Variants in ESM1 observed in about 807,000 individuals in gnomAD.
ESM1 encodes endothelial cell-specific molecule 1.
Under a neutral mutation model 14.9 loss-of-function variants are expected in ESM1, and 7 were observed. The observed-to-expected ratio is 0.47, with a 90% CI of 0.27 to 0.88. The LOEUF (loss-of-function observed/expected upper bound fraction) is 0.88. Ranked by LOEUF, ESM1 falls within the 40% of genes least tolerant of loss-of-function variation. ESM1 has a pLI of 0.14. For synonymous variants in ESM1, 89 were observed against 89.4 expected (o/e 1.00, Z 0.02); for missense variants, 192 against 237.9 (o/e 0.81, Z 1.27).
At chr5:54,980,259 G>A (rs1744025540) in intron 2 of ESM1, among the ~76,000 whole-genome samples, 1 of 152,204 alleles carries the variant, frequency 6.6e-6, no homozygotes, top group Non-Finnish European at 1.5e-5. Flanking sequence ...GTAGCCAGCA[G>A]GTGGAAAGTT....
In ESM1 at chr5:54,985,586, T is replaced by C; in HGVS notation, c.-69A>G. ...GCTGGTGGGAAGCAGCCGTCCAAAC[T>C]GGTAGCTGAGCCTCTGCCTACACGT... On this transcript the variant is annotated 5_prime_UTR_variant, in exon 1 of 3. Coordinates refer to ENST00000381405, the MANE Select transcript of ESM1 (RefSeq NM_007036.5). 2.1e-6 allele frequency: 3 copies of C among 1,435,928 alleles called. No individual in the cohort carries two copies. Among genetic ancestry groups the C allele is most frequent in the East Asian group, 2.3e-5 (1 of 43,382 alleles). 88.9% of individuals were successfully genotyped at this position (1,435,928 alleles called of 1,614,324 possible). A position where few individuals can be genotyped will look rare whatever the true frequency, so the allele number is the denominator to read the frequency against.
intron 1 of ESM1, among the ~76,000 whole-genome samples, chr5:54,983,915 T>A (rs1376965495): frequency 1.3e-5 from 2 of 152,216 alleles, no homozygotes; most frequent in African/African-American, 4.8e-5. Context: ...TGAAGTACTG[T>A]TTTCTTGGTC....
chr5:54,981,868 T>TC (rs1426320623), intron 2 of ESM1, 129 bp downstream of exon 2: 1 of 939,298 alleles, frequency 1.1e-6, no homozygotes, highest in Non-Finnish European at 1.6e-6. Context: ...CACCCACCGT[T>TC]CCCCTGAGTA....
At chr5:54,979,781 G>T (rs1257466773) in intron 2 of ESM1, among the ~76,000 whole-genome samples, 1 of 152,200 alleles carries the variant, frequency 6.6e-6, no homozygotes, top group Admixed American at 6.5e-5. Flanking sequence ...GACAGTGCTT[G>T]CCACATAGTA....
intron 2 of ESM1, among the ~76,000 whole-genome samples, chr5:54,980,184 C>T (rs1484608420): frequency 6.6e-6 from 1 of 152,080 alleles, no homozygotes; most frequent in Non-Finnish European, 1.5e-5. Context: ...TTGGGAAGCT[C>T]ACTGCCAAAA....
intron 2 of ESM1, among the ~76,000 whole-genome samples, chr5:54,981,149 T>C (rs1744044484): frequency 6.6e-6 from 1 of 152,204 alleles, no homozygotes; most frequent in Non-Finnish European, 1.5e-5. Flanking sequence ...ATATACTTAT[T>C]TTTTGTGATG....
chr5:54,982,193 C>G, intron 1 of ESM1, 47 bp from the exon 2 acceptor site: 1 of 1,599,084 alleles, frequency 6.3e-7, no homozygotes, highest in Non-Finnish European at 8.6e-7. Flanking sequence ...GTTGTAAATA[C>G]GTCTCCATCC....
rs764684745 is a variant in ESM1, at chr5:54,982,063, AT to A, written c.384del (p.Lys128AsnfsTer3). 1 of 1,614,172 alleles carries A rather than the reference AT, an allele frequency of 6.2e-7. No homozygotes were observed. Among genetic ancestry groups the A allele is most frequent in the Admixed American group, 1.7e-5 (1 of 60,024 alleles). ...QSGICDRGTGKCLKFPFFQYS... is the reference protein window; with the variant it reads ...QSGICDRGTGXCLKFPFFQYS... Reference sequence around the variant, plus strand: ...TATTGGAAGAAGGGGAATTTCAGGCATTTTCCCGTCCCCCTGTCACAGATGC... The same window carrying A: ...TATTGGAAGAAGGGGAATTTCAGGCATTTCCCGTCCCCCTGTCACAGATGC... On this transcript the variant is annotated frameshift_variant, in exon 2 of 3. Transcript: ENST00000381405. LOFTEE classifies it high-confidence loss of function.
At position 54,985,219 on chromosome 5, in the gene ESM1, T is replaced by C; in HGVS notation, c.299A>G (p.Lys100Arg). ...AGAGGTAAGGGGTCACTCTTTACCT[T>C]TGCAGATACCAAACTCTTCACCAAA... ...DPFGEEFGIC[K>R]DCPYGTFGMD... The change falls in exon 1 of 3, where the codon AAA becomes AGA. Residue 100 changes from lysine (K) to arginine (R), a missense_variant and splice_region_variant. Physicochemically the swap from Lys to Arg is conservative, Grantham distance 26. Transcript: ENST00000381405. 1 of 1,608,418 alleles carries C rather than the reference T, an allele frequency of 6.2e-7. No individual in the cohort carries two copies.
At chr5:54,979,603 A>G (rs1744011828) in intron 2 of ESM1, among the ~76,000 whole-genome samples, 168 bp from the exon 3 acceptor site, 1 of 152,218 alleles carries the variant, frequency 6.6e-6, no homozygotes. Flanking sequence ...CTCTATATAC[A>G]ATAGCACCCC....
At chr5:54,981,903 A>T in intron 2 of ESM1, 94 bp downstream of exon 2, 21 of 1,285,830 alleles carry the variant, frequency 1.6e-5, no homozygotes, top group Non-Finnish European at 2.3e-5. Flanking sequence ...AAATCATTCC[A>T]ATCCACATCT....
At chr5:54,985,114 C>T (rs1740508715) in intron 1 of ESM1, 103 bp downstream of exon 1, 1 of 1,056,288 alleles carries the variant, frequency 9.5e-7, no homozygotes, top group East Asian at 2.4e-5. Flanking sequence ...ATCCACCTGC[C>T]TTTTCCCTCT....
rs1043386102 is a variant in ESM1, at chr5:54,978,576, A to T, written c.*756T>A. ...TAAATATTTACCTTCATACACACAC[A>T]AACCACCAGTGGGTAAAATACTTCT... On this transcript the variant is annotated 3_prime_UTR_variant, in exon 3 of 3. Coordinates refer to ENST00000381405, the MANE Select transcript of ESM1 (RefSeq NM_007036.5). 10 of 152,560 alleles carry T rather than the reference A, an allele frequency of 6.6e-5. No individual in the cohort carries two copies. In the East Asian group the frequency reaches 1.7e-3, roughly 26 times the overall value. 9.5% of individuals were successfully genotyped at this position (152,560 alleles called of 1,614,324 possible).
Position 54,985,544 on chromosome 5 carries a change from C to T in ESM1, c.-27G>A. On this transcript the variant is annotated 5_prime_UTR_variant, in exon 1 of 3. Transcript: ENST00000381405. Reference sequence around the variant, plus strand: ...TTTCCCAGCTGCCTCCGGCTCGGCTCTCCAGTCGTGGTCTTTGCTGGTGGG... The same window carrying T: ...TTTCCCAGCTGCCTCCGGCTCGGCTTTCCAGTCGTGGTCTTTGCTGGTGGG... 1 of 1,565,000 alleles carries T rather than the reference C, an allele frequency of 6.4e-7. No individual in the cohort carries two copies. The highest frequency in any genetic ancestry group is 1.2e-5 in the South Asian group (1 of 83,638).
At position 54,985,266 on chromosome 5, in the gene ESM1, C is replaced by T. The variant is rs566503445; in HGVS notation, c.252G>A (p.Gln84=). ...GMKCGPGLRC[Q]PSNGEDPFGE... is the part of the protein sequence containing the mutation. ...CAAAAGGATCCTCCCCATTAGAAGG[C>T]TGACACCTCAGCCCCGGGCCACACT... The change falls in exon 1 of 3, where the codon CAG becomes CAA. Residue 84 remains glutamine (Q), a synonymous_variant. Coordinates refer to ENST00000381405, the MANE Select transcript of ESM1 (RefSeq NM_007036.5). 3.1e-6 allele frequency: 5 copies of T among 1,614,016 alleles called. No homozygotes were observed. In the African/African-American group the frequency reaches 5.3e-5, roughly 17 times the overall value.
intron 2 of ESM1, 137 bp downstream of exon 2, chr5:54,981,856 ACCAC>A (rs1744057857): frequency 1.3e-6 from 1 of 794,342 alleles, no homozygotes; most frequent in African/African-American, 1.8e-5. Flanking sequence ...AAACTCAGCT[ACCAC>A]CCACCGTTCC....
rs1744004671 is a variant in ESM1 at position 54,979,307 on chromosome 5, C to T, written c.*25G>A. The T allele has an allele frequency of 5.9e-6, 9 of 1,532,738 alleles. No homozygotes were observed. Among genetic ancestry groups the T allele is most frequent in the Non-Finnish European group, 7.2e-6 (8 of 1,106,614 alleles). 94.9% of individuals were successfully genotyped at this position (1,532,738 alleles called of 1,614,324 possible). On this transcript the variant is annotated 3_prime_UTR_variant, in exon 3 of 3. Transcript: ENST00000381405. ...TGTTGAACAATCACGAAAATAGAGC[C>T]TTCTCTCAGAAATCACAGCCGGGAT...
intron 1 of ESM1, 79 bp downstream of exon 1, chr5:54,985,138 C>G: frequency 7.4e-7 from 1 of 1,359,270 alleles, no homozygotes; most frequent in Non-Finnish European, 1.0e-6. Context: ...TCTTGAGGAG[C>G]AAAGCCACCT....
intron 2 of ESM1, among the ~76,000 whole-genome samples, 172 bp from the exon 3 acceptor site, chr5:54,979,607 G>A (rs769525291): frequency 6.6e-6 from 1 of 152,130 alleles, no homozygotes; most frequent in Non-Finnish European, 1.5e-5. Context: ...ATATACAATA[G>A]CACCCCTTGA....
Sources: allele counts gnomAD v4.1 joint callset (sites outside exome capture counted in the v4.1 genomes callset), GRCh38; gene constraint gnomAD v4.1.1; transcripts MANE v1.5; gene names NCBI Gene and HGNC (gene_info 2026-07-23, HGNC 2026-07-21).